TMEM108: variants seen among roughly 807,000 people sequenced by gnomAD.
The protein encoded by TMEM108 is transmembrane protein 108, also known as cancer/testis antigen 124.
TMEM108 carries 12 observed loss-of-function variants against 35.1 expected under a neutral mutation model. That is an observed-to-expected ratio of 0.34 (90% CI 0.22 to 0.55). TMEM108 has a LOEUF of 0.55. TMEM108 is among the 20% of genes least tolerant of loss of function. The probability of loss-of-function intolerance (pLI) is 0.89; values close to 1 mark genes in which losing one functional copy is unlikely to be tolerated. For missense variants in TMEM108, 680 were observed against 753.3 expected (o/e 0.90, Z 1.14); for synonymous variants, 287 against 308.6 (o/e 0.93, Z 0.73).
intron 2 of TMEM108, among the ~76,000 whole-genome samples, chr3:133,110,873 A>C (rs186572974): frequency 1.3e-5 from 2 of 152,270 alleles, no homozygotes; most frequent in Admixed American, 6.5e-5. Flanking sequence ...AATATTTTGC[A>C]TTTCTACCAA....
intron 2 of TMEM108, among the ~76,000 whole-genome samples, chr3:133,132,468 A>G (rs1313672650): frequency 6.6e-6 from 1 of 152,190 alleles, no homozygotes; most frequent in Non-Finnish European, 1.5e-5. Flanking sequence ...ATGACAACAC[A>G]TCTGTTTATA....
intron 2 of TMEM108, among the ~76,000 whole-genome samples, chr3:133,125,364 A>G (rs1255463752): frequency 6.6e-6 from 1 of 152,246 alleles, no homozygotes; most frequent in Non-Finnish European, 1.5e-5. Flanking sequence ...CACCCTGTGC[A>G]TCTGGTGGCA....
chr3:133,170,065 T>G lies in TMEM108; in HGVS notation c.-46-59201T>G, dbSNP rs560893147. On this transcript the variant is annotated intron_variant, in intron 2 of 5. Coordinates refer to ENST00000321871, the MANE Select transcript of TMEM108 (RefSeq NM_023943.4). Reference sequence around the variant, plus strand: ...TAACTTTTACACCACAGCTTTCTCATTTTTATTAAAATAACATTTCCTTAA... The same window carrying G: ...TAACTTTTACACCACAGCTTTCTCAGTTTTATTAAAATAACATTTCCTTAA... Among the ~76,000 whole-genome samples, 54 of 152,218 alleles carry G rather than the reference T, an allele frequency of 3.5e-4. 1 individual carries two copies. Among genetic ancestry groups the G allele is most frequent in the Non-Finnish European group, 4.4e-4 (30 of 68,042 alleles).
At position 133,154,827 on chromosome 3, in the gene TMEM108, G is replaced by A. The variant is rs182185088; in HGVS notation, c.-46-74439G>A. 5.5e-4 allele frequency among the ~76,000 whole-genome samples: 84 copies of A among 152,100 alleles called. 1 individual carries two copies. The highest frequency in any genetic ancestry group is 1.6e-3 in the African/African-American group (67 of 41,502). ...GTATACACATGTAACAAACCTGCAC[G>A]TTGTGTACATGTACTGTAAAACTTA... On this transcript the variant is annotated intron_variant, in intron 2 of 5. Coordinates refer to ENST00000321871, the MANE Select transcript of TMEM108 (RefSeq NM_023943.4).
In TMEM108 at chr3:133,310,247, C is replaced by T. The variant is rs1487789764; in HGVS notation, c.41-69505C>T. 5.3e-5 allele frequency among the ~76,000 whole-genome samples: 8 copies of T among 151,966 alleles called. No homozygotes were observed. The East Asian group carries it at 1.4e-3, about 26-fold the overall frequency. On this transcript the variant is annotated intron_variant, in intron 3 of 5. Coordinates refer to ENST00000321871, the MANE Select transcript of TMEM108 (RefSeq NM_023943.4). ...TTGGTCCAGAGTTGAGTTCAAGTCC[C>T]GGATATCCTTGTTAACCTTCTGTCT...
chr3:133,387,268 G>A, intron 4 of TMEM108: 1 of 985,468 alleles, frequency 1.0e-6, no homozygotes, highest in South Asian at 4.7e-5. Context: ...AGCCTATGAA[G>A]TTCATCTTAA....
intron 3 of TMEM108, among the ~76,000 whole-genome samples, chr3:133,295,201 A>AT (rs1306279841): frequency 6.6e-6 from 1 of 152,172 alleles, no homozygotes; most frequent in Non-Finnish European, 1.5e-5. Context: ...AGTTATCCAA[A>AT]TTTTTTTATG....
chr3:133,137,204 T>C (rs1263949554), intron 2 of TMEM108, among the ~76,000 whole-genome samples: 1 of 152,180 alleles, frequency 6.6e-6, no homozygotes, highest in African/African-American at 2.4e-5. Context: ...TTATCTCATT[T>C]AATCTATTGT....
At chr3:133,299,741 C>T (rs923518635) in intron 3 of TMEM108, among the ~76,000 whole-genome samples, 2 of 152,130 alleles carry the variant, frequency 1.3e-5, no homozygotes, top group Middle Eastern at 3.2e-3. Flanking sequence ...GCCAGGCCAT[C>T]ATACGTCTTC....
At chr3:133,226,099 C>G (rs1286235060) in intron 2 of TMEM108, among the ~76,000 whole-genome samples, 4 of 152,202 alleles carry the variant, frequency 2.6e-5, no homozygotes, top group Admixed American at 2.6e-4. Flanking sequence ...CAAAGATTTT[C>G]TGGTTGGCAG....
chr3:133,224,673 C>T (rs1576394025), intron 2 of TMEM108, among the ~76,000 whole-genome samples: 1 of 152,246 alleles, frequency 6.6e-6, no homozygotes, highest in Non-Finnish European at 1.5e-5. Flanking sequence ...TTGCCTTCCA[C>T]CATGATTGTG....
chr3:133,344,323 C>T (rs2071751405), intron 3 of TMEM108, among the ~76,000 whole-genome samples: 2 of 151,632 alleles, frequency 1.3e-5, no homozygotes, highest in South Asian at 2.1e-4. Flanking sequence ...ATTCAAATAT[C>T]GATTGCACAG....
chr3:133,061,936 T>C (rs1943541868), intron 2 of TMEM108, among the ~76,000 whole-genome samples: 1 of 152,188 alleles, frequency 6.6e-6, no homozygotes, highest in Non-Finnish European at 1.5e-5. Flanking sequence ...AGACCTCCAG[T>C]ACCATTTAAC....
At chr3:133,255,989 C>T (rs934462944) in intron 3 of TMEM108, among the ~76,000 whole-genome samples, 1 of 152,052 alleles carries the variant, frequency 6.6e-6, no homozygotes, top group African/African-American at 2.4e-5. Flanking sequence ...GAGTGAGTCT[C>T]CTTCTCAAAA....
At chr3:133,203,974 T>G (rs1945711388) in intron 2 of TMEM108, among the ~76,000 whole-genome samples, 1 of 152,154 alleles carries the variant, frequency 6.6e-6, no homozygotes, top group African/African-American at 2.4e-5. Context: ...GTTTCAGACC[T>G]TGTTATTGGT....
intron 2 of TMEM108, among the ~76,000 whole-genome samples, chr3:133,056,474 C>T (rs1394323492): frequency 6.6e-6 from 1 of 152,112 alleles, no homozygotes; most frequent in African/African-American, 2.4e-5. Context: ...TCATAACTAC[C>T]TTATGGGATG....
Position 133,381,079 on chromosome 3 carries a change from G to T in TMEM108, c.1368G>T (p.Pro456=). 1.9e-6 allele frequency: 3 copies of T among 1,614,156 alleles called. No individual in the cohort carries two copies. The highest frequency in any genetic ancestry group is 1.1e-5 in the South Asian group (1 of 91,084). ...NISHVAEGDK[P]QHRATICLSK... ...CCCATGTGGCCGAGGGGGACAAACC[G>T]CAGCACAGAGCCACCATCTGCCTGA... is the stretch of plus-strand genomic sequence containing the variant. The change falls in exon 4 of 6, where the codon CCG becomes CCT. Residue 456 remains proline, a synonymous_variant. Coordinates refer to ENST00000321871, the MANE Select transcript of TMEM108 (RefSeq NM_023943.4).
At chr3:133,118,723 G>A (rs3811649) in intron 2 of TMEM108, among the ~76,000 whole-genome samples, 14,593 of 152,152 alleles carry the variant, frequency 0.096, 893 homozygotes, top group Admixed American at 0.17. Context: ...ATGAGGCGGC[G>A]GGCTGAACCA....
At chr3:133,270,357 G>A (rs1054912687) in intron 3 of TMEM108, among the ~76,000 whole-genome samples, 7 of 152,142 alleles carry the variant, frequency 4.6e-5, no homozygotes, top group Non-Finnish European at 1.0e-4. Flanking sequence ...GTAGGCACTC[G>A]ATAAATGTTA....
Sources: allele counts gnomAD v4.1 joint callset (sites outside exome capture counted in the v4.1 genomes callset), GRCh38; gene constraint gnomAD v4.1.1; transcripts MANE v1.5; gene names NCBI Gene and HGNC (gene_info 2026-07-23, HGNC 2026-07-21).